ITPA: variants seen among roughly 807,000 people sequenced by gnomAD.
The protein encoded by ITPA is inosine triphosphatase, also known as inosine triphosphate pyrophosphatase.
Under a neutral mutation model 29.6 loss-of-function variants are expected in ITPA, and 29 were observed. The ratio of observed to expected loss-of-function variants is 0.98; its 90% CI spans 0.73 to 1.34. The LOEUF (loss-of-function observed/expected upper bound fraction) is 1.34, where lower values mean the gene tolerates loss of function less well. Among genes scored for constraint, ITPA ranks in the 40% most tolerant of loss-of-function variants. The pLI, the probability that ITPA is intolerant of heterozygous loss-of-function variation, is 0.00. For missense variants in ITPA, 241 were observed against 251.5 expected (o/e 0.96, Z 0.28); for synonymous variants, 103 against 99.3 (o/e 1.04, Z -0.22).
At chr20:3,219,563 A>C (rs2067406760) in intron 6 of ITPA, among the ~76,000 whole-genome samples, 1 of 151,774 alleles carries the variant, frequency 6.6e-6, no homozygotes, top group South Asian at 2.1e-4. Context: ...TGGATAACAC[A>C]GCAAAACCCC....
At position 3,209,815 on chromosome 20, in the gene ITPA, G is replaced by C. The variant is rs1191671103; in HGVS notation, c.66+198G>C. Reference sequence around the variant, plus strand: ...GGCTGCAGAATCGGGGCGCCCCGGGGTTGGCGAGGGAACGAGGGTCTCGAC... The same window carrying C: ...GGCTGCAGAATCGGGGCGCCCCGGGCTTGGCGAGGGAACGAGGGTCTCGAC... On this transcript the variant is annotated intron_variant, in intron 1 of 7. Coordinates refer to ENST00000380113, the MANE Select transcript of ITPA (RefSeq NM_033453.4). This position sits in a 1 kb window ranked among gnomAD's most constrained non-coding sequence, Gnocchi z 4.6. 6.6e-6 allele frequency among the ~76,000 whole-genome samples: 1 copy of C among 152,208 alleles called. No homozygotes were observed. Among genetic ancestry groups the C allele is most frequent in the Non-Finnish European group, 1.5e-5 (1 of 68,022 alleles).
chr20:3,221,615 C>T (rs2067465073), intron 6 of ITPA: 1 of 630,848 alleles, frequency 1.6e-6, no homozygotes, highest in Non-Finnish European at 2.9e-6. Context: ...GCTGGTGGTC[C>T]TGTGGGTCCA....
chr20:3,210,337 A>C (rs1416993714), intron 1 of ITPA, among the ~76,000 whole-genome samples: 1 of 152,192 alleles, frequency 6.6e-6, no homozygotes, highest in Admixed American at 6.5e-5. Flanking sequence ...GCTGATCCCT[A>C]TTCCTGTTCA....
upstream of ITPA, among the ~76,000 whole-genome samples, chr20:3,207,705 C>T (rs1464239795): frequency 6.6e-6 from 1 of 150,866 alleles, no homozygotes; most frequent in Admixed American, 6.6e-5. Flanking sequence ...AAAACAACAA[C>T]AACAACAACA....
upstream of ITPA, among the ~76,000 whole-genome samples, chr20:3,208,241 G>T (rs1175686316): frequency 1.3e-5 from 2 of 151,910 alleles, no homozygotes; most frequent in Non-Finnish European, 2.9e-5. Flanking sequence ...CAGGCTCCTC[G>T]GGGTAACTGA....
intron 1 of ITPA, among the ~76,000 whole-genome samples, chr20:3,212,433 G>C (rs2067196190): frequency 1.3e-5 from 2 of 151,446 alleles, no homozygotes; most frequent in African/African-American, 2.4e-5. Context: ...CAATCCTCCT[G>C]CCCCAGCCTC....
chr20:3,204,783 T>TG (rs1323177111), upstream of ITPA: 21 of 674,366 alleles, frequency 3.1e-5, no homozygotes, highest in East Asian at 5.6e-5. Flanking sequence ...AAAATGAGTT[T>TG]GGGGGGTGTA....
chr20:3,218,860 T>C (rs1303577982), intron 6 of ITPA: 1 of 598,782 alleles, frequency 1.7e-6, no homozygotes, highest in African/African-American at 1.8e-5. Flanking sequence ...TACGCCTTGC[T>C]GAGGGGTGCC....
At position 3,218,529 on chromosome 20, in the gene ITPA, T is replaced by C; in HGVS notation, c.308T>C (p.Leu103Pro). The C allele has an allele frequency of 6.2e-7, 1 of 1,613,786 alleles. No individual in the cohort carries two copies. Among genetic ancestry groups the C allele is most frequent in the Non-Finnish European group, 8.5e-7 (1 of 1,179,920 alleles). ...EKLKPEGLHQ[L>P]LAGFEDKSAY... ...TGCCCACCCGCAGGTCTCCACCAGC[T>C]CCTGGCCGGGTTCGAGGACAAGTCA... Residue 103 changes from leucine to proline, a missense_variant, in exon 6 of 8, where the codon CTC becomes CCC. Coordinates refer to ENST00000380113, the MANE Select transcript of ITPA (RefSeq NM_033453.4).
At chr20:3,216,582 T>C (rs1259059837) in intron 5 of ITPA, among the ~76,000 whole-genome samples, 5 of 151,804 alleles carry the variant, frequency 3.3e-5, no homozygotes, top group Admixed American at 2.0e-4. Context: ...GCCTCCCTAG[T>C]AGCTGGGATT....
rs560642367 is a variant in ITPA, at chr20:3,222,952, A to G, written c.489-414A>G. Among the ~76,000 whole-genome samples, 8 of 152,318 alleles carry G rather than the reference A, an allele frequency of 5.3e-5. No homozygotes were observed. In the South Asian group the frequency reaches 1.5e-3, roughly 28 times the overall value. ...ATTCTCACCTCACTGCGGTGCTGGC[A>G]TGGAGGTCGGGCCCCTGGCCAGCTG... On this transcript the variant is annotated intron_variant, in intron 7 of 7. Transcript: ENST00000380113.
At chr20:3,212,104 G>A (rs2067188360) in intron 1 of ITPA, among the ~76,000 whole-genome samples, 1 of 152,048 alleles carries the variant, frequency 6.6e-6, no homozygotes, top group Admixed American at 6.6e-5. Context: ...CCAGGAGGTT[G>A]AGGCTCTAGT....
At chr20:3,206,897 C>G (rs2067075050), upstream of ITPA, among the ~76,000 whole-genome samples, 1 of 151,522 alleles carries the variant, frequency 6.6e-6, no homozygotes, top group Non-Finnish European at 1.5e-5. Flanking sequence ...GCCTGGAGTC[C>G]CAGCTACTCA....
downstream of ITPA, among the ~76,000 whole-genome samples, chr20:3,225,758 G>A (rs1263715596): frequency 6.6e-6 from 1 of 152,226 alleles, no homozygotes; most frequent in African/African-American, 2.4e-5. Flanking sequence ...GCTGGGCTTG[G>A]TGGCTCATGC....
At chr20:3,222,988 C>T (rs778425771) in intron 7 of ITPA, among the ~76,000 whole-genome samples, 3 of 152,122 alleles carry the variant, frequency 2.0e-5, no homozygotes, top group Non-Finnish European at 4.4e-5. Flanking sequence ...TTCAAGTGCT[C>T]CCCCGCCCTC....
Position 3,223,415 on chromosome 20 carries a change from C to T in ITPA, c.538C>T (p.Arg180Trp), listed in dbSNP as rs771060121. ...GAAGAACGCTGTCTCCCATCGCTTC[C>T]GGGCCCTGCTGGAGCTGCAGGAGTA... Reference protein sequence around the residue: ...AEKNAVSHRFRALLELQEYFG... With the variant: ...AEKNAVSHRFWALLELQEYFG... The change falls in exon 8 of 8, where the codon CGG (arginine) becomes TGG (tryptophan). Residue 180 changes from arginine to tryptophan, a missense_variant. Physicochemically the swap from Arg to Trp is moderately radical, Grantham distance 101 (BLOSUM62 -3). Coordinates refer to ENST00000380113, the MANE Select transcript of ITPA (RefSeq NM_033453.4). The T allele has an allele frequency of 8.1e-6, 13 of 1,613,930 alleles. No individual in the cohort carries two copies. Among genetic ancestry groups the T allele is most frequent in the Admixed American group, 1.7e-5 (1 of 60,024 alleles).
intron 6 of ITPA, chr20:3,218,927 T>G: frequency 2.1e-6 from 1 of 466,696 alleles, no homozygotes; most frequent in South Asian, 2.1e-5. Context: ...CCCCTGAGGC[T>G]GTTGTTTCAG....
chr20:3,204,840 A>G (rs1390689001), upstream of ITPA, among the ~76,000 whole-genome samples: 1 of 151,842 alleles, frequency 6.6e-6, no homozygotes, highest in African/African-American at 2.4e-5. Context: ...CGGTATGTCC[A>G]GTAGAAAACA....
upstream of ITPA, chr20:3,204,745 T>C: frequency 2.1e-6 from 2 of 962,504 alleles, no homozygotes; most frequent in Non-Finnish European, 1.5e-6. Context: ...CAGCGGCACA[T>C]CACAGAGAGG....
Sources: allele counts gnomAD v4.1 joint callset (sites outside exome capture counted in the v4.1 genomes callset), GRCh38; gene constraint gnomAD v4.1.1; non-coding constraint Gnocchi (gnomAD v3.1); transcripts MANE v1.5; gene names NCBI Gene and HGNC (gene_info 2026-07-23, HGNC 2026-07-21).